Variants in MYO9A observed in about 807,000 individuals in gnomAD.
The protein encoded by MYO9A is myosin IXA.
In MYO9A, 103 loss-of-function variants were observed where a neutral mutation model predicts 293.3. The observed-to-expected ratio is 0.35, with a 90% CI of 0.30 to 0.41. The LOEUF is 0.41. Ranked by LOEUF, MYO9A falls within the 10% of genes least tolerant of loss-of-function variation. The pLI is 1.00. For missense variants in MYO9A, 2,685 were observed against 3,033.0 expected, an observed-to-expected ratio of 0.89 and a Z score of 2.69; for synonymous variants, 1,001 against 1,035.7, an observed-to-expected ratio of 0.97 and a Z score of 0.64.
intron 11 of MYO9A, among the ~76,000 whole-genome samples, chr15:71,990,105 G>C (rs200459114): frequency 2.4e-5 from 2 of 84,482 alleles, no homozygotes; most frequent in Non-Finnish European, 5.4e-5. Context: ...TTTTTTTTTT[G>C]AGACAGTCTC....
intron 19 of MYO9A, among the ~76,000 whole-genome samples, chr15:71,906,758 C>CTTTTTTTTTTTTTTCTTTTT (rs2057659301): frequency 1.1e-4 from 7 of 61,032 alleles, no homozygotes; most frequent in South Asian, 7.0e-4. Flanking sequence ...CCATTTCTTT[C>CTTTTTTTTTTTTTTCTTTTT]TTTTTTTTTT....
intron 11 of MYO9A, among the ~76,000 whole-genome samples, chr15:71,985,817 T>C (rs892735169): frequency 6.6e-6 from 1 of 152,168 alleles, no homozygotes; most frequent in Non-Finnish European, 1.5e-5. Context: ...GTAAGGTTCA[T>C]CAAAAGTTTC....
At chr15:71,901,679 A>T (rs1263039798) in intron 22 of MYO9A, among the ~76,000 whole-genome samples, 1 of 152,024 alleles carries the variant, frequency 6.6e-6, no homozygotes, top group East Asian at 1.9e-4. Flanking sequence ...AGACAAAAAA[A>T]GGAAGGTAAG....
At chr15:71,959,478 T>C (rs1355087832) in intron 14 of MYO9A, 1 of 174,310 alleles carries the variant, frequency 5.7e-6, no homozygotes, top group Non-Finnish European at 1.2e-5. Flanking sequence ...CAGCAAACAA[T>C]AGTTTGGTTT....
At chr15:71,886,344 T>TA (rs2057020091) in intron 27 of MYO9A, among the ~76,000 whole-genome samples, 1 of 152,098 alleles carries the variant, frequency 6.6e-6, no homozygotes, top group Admixed American at 6.6e-5. Flanking sequence ...GGGTTTTCCC[T>TA]AAGGGCTAGA....
chr15:71,985,928 T>C (rs992011252), intron 11 of MYO9A, among the ~76,000 whole-genome samples: 1 of 152,204 alleles, frequency 6.6e-6, no homozygotes, highest in Non-Finnish European at 1.5e-5. Flanking sequence ...TCTTCTATGC[T>C]TAGCACACTG....
chr15:71,828,464 T>C (rs992665044), intron 40 of MYO9A, among the ~76,000 whole-genome samples: 1 of 152,200 alleles, frequency 6.6e-6, no homozygotes, highest in African/African-American at 2.4e-5. Flanking sequence ...TCTTAAACTA[T>C]TTTCCATGAA....
intron 1 of MYO9A, among the ~76,000 whole-genome samples, chr15:72,054,362 C>T (rs1010458378): frequency 2.0e-5 from 3 of 152,076 alleles, no homozygotes; most frequent in East Asian, 3.9e-4. Context: ...AGATGTTGAT[C>T]GAATCTGCTA....
chr15:72,118,163 C>A, upstream of MYO9A: 1 of 371,316 alleles, frequency 2.7e-6, no homozygotes, highest in Non-Finnish European at 4.8e-6. Context: ...TTACCTCCCA[C>A]GCCCCCTACT....
intron 32 of MYO9A, among the ~76,000 whole-genome samples, chr15:71,863,945 C>T (rs1160753100): frequency 1.3e-5 from 2 of 152,164 alleles, no homozygotes; most frequent in African/African-American, 2.4e-5. Context: ...TGAACCCTTC[C>T]TGTCCTATGA....
In MYO9A at chr15:71,898,547, C is replaced by A; in HGVS notation, c.3956G>T (p.Arg1319Leu). 1 of 1,614,022 alleles carries A rather than the reference C, an allele frequency of 6.2e-7. No individual in the cohort carries two copies. The highest frequency in any genetic ancestry group is 8.5e-7 in the Non-Finnish European group (1 of 1,180,020). The change falls in exon 25 of 42, where the codon CGG becomes CTG. Residue 1319 changes from arginine (R) to leucine (L), a missense_variant. Around this residue, in one of 10 missense-constraint regions of MYO9A, gnomAD observed 1,434 missense variants for 1,497.7 expected, o/e 0.96. Coordinates refer to ENST00000356056, the MANE Select transcript of MYO9A (RefSeq NM_006901.4). ...AGAGCTCTCACTATCAGGTGTACCC[C>A]GTGGAGACTGAAGGCCTTCAGGCAC... The part of the protein sequence containing the change: ...ELVPEGLQSP[R>L]GTPDSESSQG...
intron 18 of MYO9A, among the ~76,000 whole-genome samples, chr15:71,917,567 C>T (rs903634569): frequency 1.3e-5 from 2 of 151,958 alleles, no homozygotes; most frequent in Non-Finnish European, 2.9e-5. Context: ...AGCATAGTCC[C>T]TATTAACCCT....
rs2057388198 is a variant in MYO9A at position 71,898,267 on chromosome 15, G to C, written c.4236C>G (p.Phe1412Leu). 1.9e-6 allele frequency: 3 copies of C among 1,614,010 alleles called. No individual in the cohort carries two copies. Among genetic ancestry groups the C allele is most frequent in the Non-Finnish European group, 8.5e-7 (1 of 1,180,032 alleles). ...ITCKPQLKDS[F>L]ISNSLPTFFY... ...AAAAAGTAGGTAGACTATTTGAAAT[G>C]AAGGAGTCTTTCAGCTGTGGTTTAC... The change falls in exon 25 of 42, where the codon TTC (phenylalanine) becomes TTG (leucine). Residue 1412 changes from phenylalanine (F) to leucine (L), a missense_variant. This residue lies in a region of MYO9A where 1,434 missense variants were observed against 1,497.7 expected (regional missense o/e 0.96). Transcript: ENST00000356056.
rs187101320 is a variant in MYO9A, at chr15:72,010,812, C to G, written c.1156-365G>C. Among the ~76,000 whole-genome samples the G allele has an allele frequency of 1.2e-3, 184 of 152,124 alleles. 1 individual carries two copies. The highest frequency in any genetic ancestry group is 4.0e-3 in the African/African-American group (165 of 41,494). On this transcript the variant is annotated intron_variant, in intron 6 of 41. Coordinates refer to ENST00000356056, the MANE Select transcript of MYO9A (RefSeq NM_006901.4). ...GAAATTCAAAGCATTTACGGGCGCT[C>G]AATTCTACCAGCAAATACTATTTAT... is the stretch of plus-strand genomic sequence containing the variant.
intron 6 of MYO9A, among the ~76,000 whole-genome samples, chr15:72,018,072 T>A (rs939376689): frequency 6.6e-6 from 1 of 151,334 alleles, no homozygotes; most frequent in South Asian, 2.1e-4. Flanking sequence ...AATTTAAAAA[T>A]ATACTTATTA....
rs374684636 is a variant in MYO9A at position 72,007,965 on chromosome 15, A to G, written c.1254-13T>C. ...AAGAGAGAAAATCCTGGGAAAATAA[A>G]ACACAAATTATAGCTTAGTTGTGTC... On this transcript the variant is annotated splice_polypyrimidine_tract_variant and intron_variant, in intron 7 of 41. Transcript: ENST00000356056. 15 of 1,605,940 alleles carry G rather than the reference A, an allele frequency of 9.3e-6. No homozygotes were observed. Among genetic ancestry groups the G allele is most frequent in the Admixed American group, 6.9e-5 (4 of 58,278 alleles).
At chr15:71,953,973 G>A (rs369870414) in intron 14 of MYO9A, among the ~76,000 whole-genome samples, 5 of 152,008 alleles carry the variant, frequency 3.3e-5, no homozygotes, top group African/African-American at 1.2e-4. Flanking sequence ...TCGGCTCACT[G>A]CACCCTCTGC....
intron 3 of MYO9A, among the ~76,000 whole-genome samples, chr15:72,028,218 A>AAAATAT (rs2077737763): frequency 1.5e-5 from 2 of 134,256 alleles, no homozygotes; most frequent in East Asian, 4.2e-4. Flanking sequence ...TAAATAAATA[A>AAAATAT]ATATATATAT....
intron 1 of MYO9A, among the ~76,000 whole-genome samples, chr15:72,062,972 T>C (rs1398282145): frequency 6.6e-6 from 1 of 152,238 alleles, no homozygotes; most frequent in African/African-American, 2.4e-5. Flanking sequence ...CAATGAGCCG[T>C]GATCGTGCCA....
Sources: allele counts gnomAD v4.1 joint callset (sites outside exome capture counted in the v4.1 genomes callset), GRCh38; gene constraint gnomAD v4.1.1; regional missense constraint gnomAD v4.1.1; transcripts MANE v1.5; gene names NCBI Gene and HGNC (gene_info 2026-07-23, HGNC 2026-07-21).